E2F3: variants seen among roughly 807,000 people sequenced by gnomAD.
E2F3 encodes transcription factor E2F3.
Under a neutral mutation model 44.4 loss-of-function variants are expected in E2F3, and 11 were observed. The observed-to-expected ratio is 0.25, with a 90% CI of 0.16 to 0.41. The LOEUF (loss-of-function observed/expected upper bound fraction) is 0.41. Among genes scored for constraint, E2F3 ranks in the 10% least tolerant of loss-of-function variants. The pLI, the probability that E2F3 is intolerant of heterozygous loss-of-function variation, is 1.00. For synonymous variants in E2F3, 249 were observed against 253.0 expected (o/e 0.98, Z 0.15); for missense variants, 487 against 583.6 (o/e 0.83, Z 1.70).
In E2F3 at chr6:20,410,584, G is replaced by A. The variant is rs144797944; in HGVS notation, c.393+7959G>A. 1.1e-3 allele frequency among the ~76,000 whole-genome samples: 161 copies of A among 152,258 alleles called. 1 individual carries two copies. Among genetic ancestry groups the A allele is most frequent in the African/African-American group, 3.2e-3 (134 of 41,552 alleles). On this transcript the variant is annotated intron_variant, in intron 1 of 6. Transcript: ENST00000346618. ...GGTATAATTGCCCTTCCTTCCACAG[G>A]CATCTCATGGGCTGTCCTTTTGTGA...
chr6:20,425,651 G>A (rs149722269), intron 1 of E2F3, among the ~76,000 whole-genome samples: 90 of 152,264 alleles, frequency 5.9e-4, no homozygotes, highest in African/African-American at 2.2e-3. Context: ...CCCCGCCTCG[G>A]CCTCCCAAAG....
chr6:20,424,336 G>T (rs1006078984), intron 1 of E2F3, among the ~76,000 whole-genome samples: 3 of 143,548 alleles, frequency 2.1e-5, no homozygotes, highest in African/African-American at 7.9e-5. Context: ...CCCCACGCAT[G>T]CACTTGAAAT....
At chr6:20,451,066 C>T (rs890082922) in intron 1 of E2F3, among the ~76,000 whole-genome samples, 7 of 152,152 alleles carry the variant, frequency 4.6e-5, no homozygotes, top group African/African-American at 1.7e-4. Flanking sequence ...AGTGTAATGC[C>T]TCCAGCTTTG....
chr6:20,436,555 T>C (rs1760592160), intron 1 of E2F3, among the ~76,000 whole-genome samples: 2 of 152,196 alleles, frequency 1.3e-5, no homozygotes, highest in African/African-American at 4.8e-5. Context: ...TTCAAAGCTG[T>C]CTTGGGCCAC....
chr6:20,423,093 A>T (rs994481224), intron 1 of E2F3, among the ~76,000 whole-genome samples: 1 of 152,128 alleles, frequency 6.6e-6, no homozygotes, highest in African/African-American at 2.4e-5. Context: ...TTTTTCTATG[A>T]TGTATTTCTT....
At chr6:20,438,717 T>C (rs1760674365) in intron 1 of E2F3, among the ~76,000 whole-genome samples, 1 of 152,338 alleles carries the variant, frequency 6.6e-6, no homozygotes, top group South Asian at 2.1e-4. Context: ...TTAGTTCTTC[T>C]GTGAATATAA....
In E2F3 at chr6:20,463,020, G is replaced by T. The variant is rs553889852; in HGVS notation, c.394-16826G>T. 4.0e-5 allele frequency among the ~76,000 whole-genome samples: 6 copies of T among 150,680 alleles called. No homozygotes were observed. In the East Asian group the frequency reaches 1.2e-3, roughly 29 times the overall value. Reference sequence around the variant, plus strand: ...GCTCACTGCAGCCTCAAATTCCTAGGCTCAAGTGATCCTCCCACTTTAACC... The same window carrying T: ...GCTCACTGCAGCCTCAAATTCCTAGTCTCAAGTGATCCTCCCACTTTAACC... On this transcript the variant is annotated intron_variant, in intron 1 of 6. Coordinates refer to ENST00000346618, the MANE Select transcript of E2F3 (RefSeq NM_001949.5).
chr6:20,450,910 T>C (rs1435136230), intron 1 of E2F3, among the ~76,000 whole-genome samples: 2 of 152,196 alleles, frequency 1.3e-5, no homozygotes, highest in South Asian at 4.1e-4. Flanking sequence ...TTAATTTTTG[T>C]CAGGTTTGTC....
At chr6:20,470,573 C>T (rs954894321) in intron 1 of E2F3, among the ~76,000 whole-genome samples, 1 of 152,154 alleles carries the variant, frequency 6.6e-6, no homozygotes, top group South Asian at 2.1e-4. Context: ...ATGTACTTAA[C>T]TTGGTCTTCA....
intron 1 of E2F3, among the ~76,000 whole-genome samples, chr6:20,459,058 T>A (rs748181809): frequency 6.6e-6 from 1 of 152,032 alleles, no homozygotes; most frequent in Non-Finnish European, 1.5e-5. Flanking sequence ...GAGGTCAGTA[T>A]CACCTGAGAC....
At chr6:20,432,621 T>A (rs536433987) in intron 1 of E2F3, among the ~76,000 whole-genome samples, 101 of 152,346 alleles carry the variant, frequency 6.6e-4, no homozygotes, top group African/African-American at 2.0e-3. Flanking sequence ...GAACAGCTTC[T>A]GCCCTGAAAT....
intron 3 of E2F3, among the ~76,000 whole-genome samples, chr6:20,481,850 G>A (rs531451395): frequency 1.6e-4 from 24 of 152,072 alleles, no homozygotes; most frequent in Non-Finnish European, 3.1e-4. Context: ...CAACTGCATA[G>A]TTACAGAATA....
chr6:20,440,828 T>C (rs1760748671), intron 1 of E2F3, among the ~76,000 whole-genome samples: 1 of 152,042 alleles, frequency 6.6e-6, no homozygotes, highest in African/African-American at 2.4e-5. Context: ...AGAAGTAAAT[T>C]TGGTGGGCAT....
chr6:20,490,700 A>G lies in E2F3; in HGVS notation c.*270A>G, dbSNP rs1762531607. The stretch of plus-strand genomic sequence containing the variant: ...CCTGGCTAAGTCAGCAAGTGAGAAA[A>G]TGTGCAATCAGGTGTCTCTCACCCC... On this transcript the variant is annotated 3_prime_UTR_variant, in exon 7 of 7. Coordinates refer to ENST00000346618, the MANE Select transcript of E2F3 (RefSeq NM_001949.5). This position sits in a 1 kb window ranked among gnomAD's most constrained non-coding sequence, Gnocchi z 4.3. The G allele has an allele frequency of 3.3e-6, 1 of 300,694 alleles. No individual in the cohort carries two copies. Among genetic ancestry groups the G allele is most frequent in the African/African-American group, 2.1e-5 (1 of 46,948 alleles). The allele number at this position is 300,694 out of a possible 1,614,324, so 18.6% of individuals were successfully genotyped here.
intron 1 of E2F3, among the ~76,000 whole-genome samples, chr6:20,403,267 G>C (rs1430697712): frequency 1.3e-5 from 2 of 152,102 alleles, no homozygotes; most frequent in Admixed American, 6.5e-5. Context: ...ACTGGGGCGT[G>C]GGCTGTCTGG....
chr6:20,481,231 G>A lies in E2F3; in HGVS notation c.531G>A (p.Thr177=). 1 of 1,613,834 alleles carries A rather than the reference G, an allele frequency of 6.2e-7. No homozygotes were observed. Among genetic ancestry groups the A allele is most frequent in the Non-Finnish European group, 8.5e-7 (1 of 1,179,932 alleles). Reference sequence around the variant, plus strand: ...CTCCAAAATCTCCCTCAGAAAAAACGCGGTATGATACGTCTCTTGGTCTGC... The same window carrying A: ...CTCCAAAATCTCCCTCAGAAAAAACACGGTATGATACGTCTCTTGGTCTGC... The part of the protein sequence containing the change: ...PKTPKSPSEK[T]RYDTSLGLLT... The change falls in exon 3 of 7, where the codon ACG becomes ACA. Residue 177 remains threonine (T), a synonymous_variant. Coordinates refer to ENST00000346618, the MANE Select transcript of E2F3 (RefSeq NM_001949.5).
intron 1 of E2F3, among the ~76,000 whole-genome samples, chr6:20,441,725 ATTTTT>A (rs70990031): frequency 8.4e-6 from 1 of 119,362 alleles, no homozygotes. Flanking sequence ...CGCGTGGGTA[ATTTTT>A]TTTTTTTTTT....
chr6:20,416,743 C>T (rs549072820), intron 1 of E2F3, among the ~76,000 whole-genome samples: 1 of 152,216 alleles, frequency 6.6e-6, no homozygotes, highest in African/African-American at 2.4e-5. Flanking sequence ...AAACCCAGGC[C>T]GTAACTGGGC....
intron 1 of E2F3, among the ~76,000 whole-genome samples, chr6:20,452,974 T>G (rs1396715843): frequency 8.2e-6 from 1 of 122,650 alleles, no homozygotes; most frequent in Non-Finnish European, 1.7e-5. Context: ...AGCCATTTGT[T>G]TTTCTTGTTT....
Sources: allele counts gnomAD v4.1 joint callset (sites outside exome capture counted in the v4.1 genomes callset), GRCh38; gene constraint gnomAD v4.1.1; non-coding constraint Gnocchi (gnomAD v3.1); transcripts MANE v1.5; gene names NCBI Gene and HGNC (gene_info 2026-07-23, HGNC 2026-07-21).